The following ENOX1 variants were observed in gnomAD, a reference collection of about 807,000 sequenced individuals.
ENOX1 encodes ecto-NOX disulfide-thiol exchanger 1.
ENOX1 carries 42 observed loss-of-function variants against 82.5 expected under a neutral mutation model. The ratio of observed to expected loss-of-function variants is 0.51; its 90% CI spans 0.40 to 0.66. The LOEUF (loss-of-function observed/expected upper bound fraction) is 0.66. ENOX1 is among the 30% of genes least tolerant of loss of function. ENOX1 has a pLI of 0.00. For missense variants in ENOX1, 608 were observed against 811.6 expected (o/e 0.75, Z 3.05); for synonymous variants, 271 against 282.2 (o/e 0.96, Z 0.40).
intron 16 of ENOX1, among the ~76,000 whole-genome samples, chr13:43,215,598 A>G (rs901832472): frequency 5.3e-5 from 8 of 152,192 alleles, no homozygotes; most frequent in African/African-American, 1.9e-4. Context: ...CAGAGGGTTA[A>G]GTGTTTTATC....
intron 3 of ENOX1, among the ~76,000 whole-genome samples, chr13:43,481,186 C>T (rs904761784): frequency 2.6e-5 from 4 of 151,944 alleles, no homozygotes; most frequent in South Asian, 4.2e-4. Flanking sequence ...TCATACTTCC[C>T]GATGTCGAAA....
chr13:43,346,819 A>G (rs552149854), intron 8 of ENOX1, among the ~76,000 whole-genome samples: 1 of 152,302 alleles, frequency 6.6e-6, no homozygotes, highest in African/African-American at 2.4e-5. Context: ...ATATGTTAGG[A>G]GAATGGACCT....
intron 2 of ENOX1, among the ~76,000 whole-genome samples, chr13:43,504,253 A>G (rs1447946770): frequency 6.6e-6 from 1 of 151,858 alleles, no homozygotes; most frequent in Non-Finnish European, 1.5e-5. Context: ...ACCACTGTGG[A>G]AAACTGTATG....
At chr13:43,243,482 C>T (rs934192567) in intron 14 of ENOX1, among the ~76,000 whole-genome samples, 5 of 152,160 alleles carry the variant, frequency 3.3e-5, no homozygotes, top group African/African-American at 1.2e-4. Flanking sequence ...GGGATGCGGT[C>T]TCACTATGTT....
intron 8 of ENOX1, among the ~76,000 whole-genome samples, chr13:43,346,626 T>A (rs1305638255): frequency 1.3e-5 from 2 of 152,232 alleles, no homozygotes; most frequent in Admixed American, 1.3e-4. Flanking sequence ...CAATGGTTTC[T>A]TATCTCATTT....
intron 2 of ENOX1, among the ~76,000 whole-genome samples, chr13:43,624,891 A>T (rs1026371445): frequency 6.6e-6 from 1 of 152,070 alleles, no homozygotes; most frequent in Non-Finnish European, 1.5e-5. Flanking sequence ...TCCACAAAGG[A>T]CTTAGAATAA....
At chr13:43,654,423 T>C (rs542742037) in intron 2 of ENOX1, among the ~76,000 whole-genome samples, 33 of 152,308 alleles carry the variant, frequency 2.2e-4, no homozygotes, top group African/African-American at 7.9e-4. Context: ...TCTTCATAAA[T>C]ACATATTTAT....
chr13:43,345,229 G>T (rs2049308117), intron 8 of ENOX1, among the ~76,000 whole-genome samples: 1 of 152,176 alleles, frequency 6.6e-6, no homozygotes, highest in Non-Finnish European at 1.5e-5. Flanking sequence ...TTTTTTAAAA[G>T]TGTTTGTAAT....
chr13:43,781,117 C>G (rs1166275221), intron 1 of ENOX1, among the ~76,000 whole-genome samples: 2 of 152,134 alleles, frequency 1.3e-5, no homozygotes, highest in Non-Finnish European at 2.9e-5. Context: ...CAAATATATT[C>G]CAAAATATCA....
chr13:43,624,057 G>A (rs1156784215), intron 2 of ENOX1, among the ~76,000 whole-genome samples: 1 of 152,146 alleles, frequency 6.6e-6, no homozygotes, highest in African/African-American at 2.4e-5. Context: ...GCAATGTAGG[G>A]ATTTAGTTCC....
Position 43,504,649 on chromosome 13 carries a change from C to T in ENOX1, c.-218-20497G>A, listed in dbSNP as rs565035958. Among the ~76,000 whole-genome samples the T allele has an allele frequency of 3.3e-5, 5 of 151,468 alleles. No individual in the cohort carries two copies. In the South Asian group the frequency reaches 1.0e-3, roughly 32 times the overall value. On this transcript the variant is annotated intron_variant, in intron 2 of 16. Transcript: ENST00000690772. Reference sequence around the variant, plus strand: ...ATAAAAGCAGATAGAATGGTGGTTGCCAAGGGCCAGAGGAAGGGCAAAATG... The same window carrying T: ...ATAAAAGCAGATAGAATGGTGGTTGTCAAGGGCCAGAGGAAGGGCAAAATG...
At chr13:43,258,894 A>G (rs975646583) in intron 14 of ENOX1, among the ~76,000 whole-genome samples, 13 of 152,212 alleles carry the variant, frequency 8.5e-5, no homozygotes, top group South Asian at 2.1e-4. Context: ...ATACTGACCT[A>G]CAGGCAGAGA....
chr13:43,419,020 A>C (rs759138365), intron 3 of ENOX1, among the ~76,000 whole-genome samples: 1 of 152,182 alleles, frequency 6.6e-6, no homozygotes, highest in East Asian at 1.9e-4. Context: ...TCTACTAAAA[A>C]TACAAAACTT....
intron 10 of ENOX1, among the ~76,000 whole-genome samples, chr13:43,323,262 G>A (rs2047918057): frequency 6.6e-6 from 1 of 152,124 alleles, no homozygotes; most frequent in Admixed American, 6.5e-5. Context: ...GTCATGTTGG[G>A]GTTACTGTTT....
intron 1 of ENOX1, among the ~76,000 whole-genome samples, chr13:43,771,082 C>T (rs768374173): frequency 2.0e-5 from 3 of 152,112 alleles, no homozygotes; most frequent in Non-Finnish European, 4.4e-5. Flanking sequence ...ACACAGCCAG[C>T]GGTACCTAAG....
chr13:43,464,551 TG>T lies in ENOX1; in HGVS notation c.-75+19457del, dbSNP rs1319857604. ...CTTTGCCAATATCTGTTTCACCTTT[TG>T]GGCCTTCTTATTATTAGTGTTTTTG... On this transcript the variant is annotated intron_variant, in intron 3 of 16. Transcript: ENST00000690772. Among the ~76,000 whole-genome samples, 5 of 152,308 alleles carry T rather than the reference TG, an allele frequency of 3.3e-5. No individual in the cohort carries two copies. The East Asian group carries it at 9.7e-4, about 29-fold the overall frequency.
intron 3 of ENOX1, among the ~76,000 whole-genome samples, chr13:43,473,769 C>T (rs2058168071): frequency 6.6e-6 from 1 of 152,132 alleles, no homozygotes; most frequent in South Asian, 2.1e-4. Context: ...CCTTATCTCT[C>T]CTGTGCTAGG....
chr13:43,283,877 T>A (rs1026086303), intron 12 of ENOX1, among the ~76,000 whole-genome samples: 4 of 152,134 alleles, frequency 2.6e-5, no homozygotes, highest in Non-Finnish European at 4.4e-5. Context: ...ATATATTATG[T>A]TTTAATTATC....
At chr13:43,228,626 C>A (rs923090175) in intron 15 of ENOX1, among the ~76,000 whole-genome samples, 2 of 152,174 alleles carry the variant, frequency 1.3e-5, no homozygotes, top group Non-Finnish European at 2.9e-5. Flanking sequence ...TTGGGTCTCA[C>A]TAAGACTAAG....
Sources: allele counts gnomAD v4.1 joint callset (sites outside exome capture counted in the v4.1 genomes callset), GRCh38; gene constraint gnomAD v4.1.1; transcripts MANE v1.5; gene names NCBI Gene and HGNC (gene_info 2026-07-23, HGNC 2026-07-21).